R3HDM2: variants seen among roughly 807,000 people sequenced by gnomAD.
The protein encoded by R3HDM2 is R3H domain containing 2.
In R3HDM2, 38 loss-of-function variants were observed where a neutral mutation model predicts 124.5. That is an observed-to-expected ratio of 0.31 (90% CI 0.24 to 0.40). R3HDM2 has a LOEUF of 0.40. Ranked by LOEUF, R3HDM2 falls within the 10% of genes least tolerant of loss-of-function variation. R3HDM2 has a pLI of 1.00. For synonymous variants in R3HDM2, 391 were observed against 448.0 expected, an observed-to-expected ratio of 0.87 and a Z score of 1.61; for missense variants, 869 against 1,236.9, an observed-to-expected ratio of 0.70 and a Z score of 4.46.
chr12:57,417,181 A>T, intron 1 of R3HDM2, among the ~76,000 whole-genome samples: 1 of 151,988 alleles, frequency 6.6e-6, no homozygotes, highest in Non-Finnish European at 1.5e-5. Context: ...AGGTGGGTGG[A>T]TCACCTTAGG....
intron 2 of R3HDM2, among the ~76,000 whole-genome samples, chr12:57,312,363 A>G (rs2139137354): frequency 6.8e-6 from 1 of 147,432 alleles, no homozygotes; most frequent in Admixed American, 6.9e-5. Flanking sequence ...GCTGGAGTGC[A>G]GTGATGCGAT....
chr12:57,320,778 T>C (rs530833967), intron 2 of R3HDM2, among the ~76,000 whole-genome samples: 28 of 152,280 alleles, frequency 1.8e-4, no homozygotes, highest in African/African-American at 6.5e-4. Flanking sequence ...CTTCCATCAA[T>C]TTATAAACAA....
At chr12:57,289,315 G>A (rs938202664) in intron 11 of R3HDM2, among the ~76,000 whole-genome samples, 1 of 152,196 alleles carries the variant, frequency 6.6e-6, no homozygotes, top group East Asian at 1.9e-4. Context: ...GGAGGAAGAG[G>A]AAAGTATTAA....
intron 13 of R3HDM2, among the ~76,000 whole-genome samples, chr12:57,283,091 A>G (rs1386851820): frequency 6.6e-6 from 1 of 152,228 alleles, no homozygotes; most frequent in African/African-American, 2.4e-5. Context: ...GCATCCCTCT[A>G]AATTCTAGCC....
chr12:57,387,147 G>A (rs1051524255), intron 2 of R3HDM2, among the ~76,000 whole-genome samples: 1 of 152,104 alleles, frequency 6.6e-6, no homozygotes, highest in African/African-American at 2.4e-5. Flanking sequence ...TCAGATAAGA[G>A]AATAAAAGCA....
intron 2 of R3HDM2, among the ~76,000 whole-genome samples, chr12:57,319,849 TAA>T (rs2056014764): frequency 6.6e-6 from 1 of 152,108 alleles, no homozygotes; most frequent in Non-Finnish European, 1.5e-5. Context: ...AAATAACCTT[TAA>T]TTAAGGTCAT....
chr12:57,414,128 C>T (rs932545484), intron 1 of R3HDM2, among the ~76,000 whole-genome samples: 3 of 150,938 alleles, frequency 2.0e-5, no homozygotes, highest in African/African-American at 4.9e-5. Flanking sequence ...GGATCACAGG[C>T]GTGAGCCACC....
chr12:57,309,442 G>C (rs749785642), intron 3 of R3HDM2, among the ~76,000 whole-genome samples: 3 of 152,170 alleles, frequency 2.0e-5, no homozygotes, highest in African/African-American at 4.8e-5. Context: ...AAGGAAGTTT[G>C]GCTAACTATC....
intron 1 of R3HDM2, among the ~76,000 whole-genome samples, chr12:57,411,654 A>G (rs2069015726): frequency 6.6e-6 from 1 of 152,236 alleles, no homozygotes; most frequent in South Asian, 2.1e-4. Context: ...TACATTCTCA[A>G]GCTGTTGAAT....
At chr12:57,417,683 T>C (rs922891930) in intron 1 of R3HDM2, among the ~76,000 whole-genome samples, 1 of 152,212 alleles carries the variant, frequency 6.6e-6, no homozygotes, top group Non-Finnish European at 1.5e-5. Context: ...TTATAATGCA[T>C]TCCATCCAAG....
intron 21 of R3HDM2, among the ~76,000 whole-genome samples, chr12:57,257,512 C>A (rs2039419950): frequency 6.6e-6 from 1 of 152,150 alleles, no homozygotes; most frequent in Non-Finnish European, 1.5e-5. Flanking sequence ...GTGTGATTAA[C>A]CCCATTTTAC....
intron 1 of R3HDM2, among the ~76,000 whole-genome samples, chr12:57,396,498 G>C (rs1469084852): frequency 2.0e-5 from 3 of 151,802 alleles, no homozygotes; most frequent in Non-Finnish European, 4.4e-5. Flanking sequence ...AGTAGTCTAG[G>C]CTGGGCACAG....
intron 16 of R3HDM2, 53 bp from the exon 17 acceptor site, chr12:57,269,135 A>G (rs993276757): frequency 6.3e-7 from 1 of 1,596,074 alleles, no homozygotes; most frequent in African/African-American, 1.3e-5. Flanking sequence ...AGGAGGTCAC[A>G]CTCTATCTGT....
At chr12:57,318,895 C>T (rs891056524) in intron 2 of R3HDM2, among the ~76,000 whole-genome samples, 1 of 152,194 alleles carries the variant, frequency 6.6e-6, no homozygotes, top group Non-Finnish European at 1.5e-5. Context: ...AAAGGGCACA[C>T]AACTGGCATA....
chr12:57,320,261 C>CAAAAAAAAAAAAAA (rs56207989), intron 2 of R3HDM2, among the ~76,000 whole-genome samples: 196 of 14,260 alleles, frequency 0.014, 45 homozygotes, highest in East Asian at 0.044. Context: ...AACTCTATCT[C>CAAAAAAAAAAAAAA]AAAAAAAAAA....
intron 2 of R3HDM2, among the ~76,000 whole-genome samples, chr12:57,327,465 T>TG (rs1212559282): frequency 1.4e-5 from 1 of 73,616 alleles, no homozygotes; most frequent in Non-Finnish European, 2.9e-5. Flanking sequence ...AGACTCCGTC[T>TG]CAAAAAAAAA....
At chr12:57,295,702 T>G in intron 9 of R3HDM2, 195 bp from the exon 10 acceptor site, 1 of 543,412 alleles carries the variant, frequency 1.8e-6, no homozygotes, top group Non-Finnish European at 3.3e-6. Context: ...TAACTTCTCT[T>G]CCTCCATAGT....
At chr12:57,313,914 C>T (rs944902046) in intron 2 of R3HDM2, among the ~76,000 whole-genome samples, 1 of 145,456 alleles carries the variant, frequency 6.9e-6, no homozygotes, top group African/African-American at 2.6e-5. Flanking sequence ...AAAGATCAGG[C>T]GCAGTGGCTC....
intron 3 of R3HDM2, chr12:57,305,808 T>C: frequency 2.5e-6 from 1 of 394,302 alleles, no homozygotes; most frequent in East Asian, 3.6e-5. Flanking sequence ...AGATATTGAG[T>C]GCCTGCTATG....
Sources: allele counts gnomAD v4.1 joint callset (sites outside exome capture counted in the v4.1 genomes callset), GRCh38; gene constraint gnomAD v4.1.1; transcripts MANE v1.5; gene names NCBI Gene and HGNC (gene_info 2026-07-23, HGNC 2026-07-21).